The following AGBL3 variants were observed in gnomAD, a reference collection of about 807,000 sequenced individuals.
AGBL3 encodes cytosolic carboxypeptidase 3.
AGBL3 carries 68 observed loss-of-function variants against 94.5 expected under a neutral mutation model. That is an observed-to-expected ratio of 0.72 (90% CI 0.59 to 0.88). The LOEUF (loss-of-function observed/expected upper bound fraction) is 0.88. Among genes scored for constraint, AGBL3 ranks in the 40% least tolerant of loss-of-function variants. AGBL3 has a pLI of 0.00. For missense variants in AGBL3, 934 were observed against 1,103.8 expected (o/e 0.85, Z 2.18); for synonymous variants, 354 against 370.7 (o/e 0.95, Z 0.52).
chr7:135,086,729 A>G (rs940691967), intron 15 of AGBL3, among the ~76,000 whole-genome samples: 8 of 151,892 alleles, frequency 5.3e-5, no homozygotes, highest in African/African-American at 1.9e-4. Context: ...TGCTGGGTTT[A>G]GGAGATTTGG....
chr7:135,006,351 T>C (rs949495184), intron 4 of AGBL3, among the ~76,000 whole-genome samples: 2 of 151,920 alleles, frequency 1.3e-5, no homozygotes, highest in African/African-American at 2.4e-5. Context: ...TTAATGGAGG[T>C]ACATTGCTGC....
intron 11 of AGBL3, chr7:135,051,059 A>G (rs1817832885): frequency 4.5e-6 from 2 of 442,630 alleles, no homozygotes; most frequent in Non-Finnish European, 9.0e-6. Flanking sequence ...CAAAAGCAGT[A>G]TAATAAAAGG....
intron 15 of AGBL3, among the ~76,000 whole-genome samples, chr7:135,091,378 T>C (rs368744178): frequency 6.6e-6 from 1 of 152,212 alleles, no homozygotes; most frequent in Admixed American, 6.5e-5. Flanking sequence ...CAGTCAGCCC[T>C]GTACCCACAT....
intron 16 of AGBL3, among the ~76,000 whole-genome samples, chr7:135,130,668 C>T (rs558934191): frequency 6.6e-6 from 1 of 152,086 alleles, no homozygotes; most frequent in East Asian, 1.9e-4. Flanking sequence ...CTTGAATTAT[C>T]TGCATTTACC....
chr7:135,117,466 A>G (rs1211666977), intron 16 of AGBL3, among the ~76,000 whole-genome samples: 1 of 152,224 alleles, frequency 6.6e-6, no homozygotes, highest in Non-Finnish European at 1.5e-5. Flanking sequence ...TTAATCCTAA[A>G]TTAGACCAAT....
At chr7:135,046,878 C>T (rs1041295644) in intron 11 of AGBL3, among the ~76,000 whole-genome samples, 4 of 151,978 alleles carry the variant, frequency 2.6e-5, no homozygotes, top group South Asian at 2.1e-4. Context: ...GAATATGTTT[C>T]GTGGCTTTTC....
At chr7:135,124,847 C>A (rs185855728) in intron 16 of AGBL3, among the ~76,000 whole-genome samples, 91 of 152,154 alleles carry the variant, frequency 6.0e-4, no homozygotes, top group Non-Finnish European at 1.2e-3. Context: ...TCTTTGAAAC[C>A]AATGAGAACA....
intron 13 of AGBL3, among the ~76,000 whole-genome samples, chr7:135,078,779 A>C (rs1159774978): frequency 6.6e-6 from 1 of 152,156 alleles, no homozygotes; most frequent in Admixed American, 6.5e-5. Flanking sequence ...GTGTGCCCAT[A>C]AGCTAATAGC....
chr7:135,023,496 C>A (rs760802537), intron 5 of AGBL3, among the ~76,000 whole-genome samples: 1 of 152,080 alleles, frequency 6.6e-6, no homozygotes, highest in Non-Finnish European at 1.5e-5. Flanking sequence ...TTTCATGACC[C>A]CCACAGATAT....
At chr7:135,037,292 A>G in intron 7 of AGBL3, 126 bp from the exon 8 acceptor site, 1 of 703,526 alleles carries the variant, frequency 1.4e-6, no homozygotes, top group Non-Finnish European at 2.2e-6. Context: ...TATGCAATAT[A>G]GATAAGAGAA....
At chr7:135,027,240 GT>G (rs914814713) in intron 5 of AGBL3, among the ~76,000 whole-genome samples, 1 of 151,550 alleles carries the variant, frequency 6.6e-6, no homozygotes, top group Non-Finnish European at 1.5e-5. Flanking sequence ...TAGAGATGGG[GT>G]TTTACCATGT....
At chr7:135,053,479 T>C (rs1223124281) in intron 11 of AGBL3, among the ~76,000 whole-genome samples, 1 of 152,096 alleles carries the variant, frequency 6.6e-6, no homozygotes, top group African/African-American at 2.4e-5. Flanking sequence ...TGGTGGTACA[T>C]GCCTGTAATC....
intron 15 of AGBL3, among the ~76,000 whole-genome samples, chr7:135,095,827 A>G (rs1822584392): frequency 6.6e-6 from 1 of 152,140 alleles, no homozygotes; most frequent in Admixed American, 6.6e-5. Flanking sequence ...CTGAAGTGCA[A>G]CTTAAGTGTG....
rs191224500 is a variant in AGBL3, at chr7:134,992,321, C to T, written c.125-1172C>T. ...GCTGAGTTCATTATTTAGGTGTCAG[C>T]TCACATGTTACCTCTTCAGAGAAAT... On this transcript the variant is annotated intron_variant, in intron 3 of 16. Transcript: ENST00000436302. 1.7e-4 allele frequency among the ~76,000 whole-genome samples: 26 copies of T among 152,336 alleles called. No homozygotes were observed. In the Middle Eastern group the frequency reaches 0.014, roughly 80 times the overall value.
In AGBL3 at chr7:135,029,059, G is replaced by A. The variant is rs144152257; in HGVS notation, c.419-3785G>A. Among the ~76,000 whole-genome samples the A allele has an allele frequency of 4.8e-3, 731 of 152,248 alleles. 3 individuals carry two copies. Among genetic ancestry groups the A allele is most frequent in the African/African-American group, 0.014 (567 of 41,550 alleles). The stretch of plus-strand genomic sequence containing the variant: ...GCATGCTGTAAACAGATGTGGTGTC[G>A]TCTAGATTTTGTTGTTTTGTTTATA... On this transcript the variant is annotated intron_variant, in intron 5 of 16. Coordinates refer to ENST00000436302, the MANE Select transcript of AGBL3 (RefSeq NM_178563.4).
intron 15 of AGBL3, among the ~76,000 whole-genome samples, chr7:135,106,534 G>A (rs1278083909): frequency 3.3e-5 from 5 of 152,112 alleles, no homozygotes; most frequent in African/African-American, 1.2e-4. Context: ...TGCATATGTT[G>A]AACCAAACTT....
intron 11 of AGBL3, among the ~76,000 whole-genome samples, chr7:135,047,014 T>C (rs949636884): frequency 2.0e-5 from 3 of 151,882 alleles, no homozygotes; most frequent in African/African-American, 7.2e-5. Flanking sequence ...GATACAATAC[T>C]GTAGAGCAGA....
rs148371756 is a variant in AGBL3, at chr7:135,008,391, T to C, written c.311-8661T>C. ...AGACTATTCAATAGGAAGAGCATTG[T>C]CTTTTCAACAAATGGCACCCAGACA... On this transcript the variant is annotated intron_variant, in intron 4 of 16. Transcript: ENST00000436302. 6.6e-5 allele frequency among the ~76,000 whole-genome samples: 10 copies of C among 152,240 alleles called. No homozygotes were observed. The East Asian group carries it at 1.9e-3, about 29-fold the overall frequency.
chr7:135,030,158 TAAAAAAAA>T (rs74392929), intron 5 of AGBL3, among the ~76,000 whole-genome samples: 1 of 117,424 alleles, frequency 8.5e-6, no homozygotes, highest in African/African-American at 3.1e-5. Flanking sequence ...TTTAATTTGT[TAAAAAAAA>T]AAAAAAAAAA....
Sources: allele counts gnomAD v4.1 joint callset (sites outside exome capture counted in the v4.1 genomes callset), GRCh38; gene constraint gnomAD v4.1.1; transcripts MANE v1.5; gene names NCBI Gene and HGNC (gene_info 2026-07-23, HGNC 2026-07-21).